MAD2L2: variants seen among roughly 807,000 people sequenced by gnomAD.
MAD2L2 encodes mitotic spindle assembly checkpoint protein MAD2B.
Under a neutral mutation model 30.5 loss-of-function variants are expected in MAD2L2, and 17 were observed. The observed-to-expected ratio is 0.56, with a 90% CI of 0.38 to 0.84. The LOEUF (loss-of-function observed/expected upper bound fraction) is 0.84. MAD2L2 is among the 40% of genes least tolerant of loss of function. The pLI is 0.00. For missense variants in MAD2L2, 213 were observed against 277.4 expected (o/e 0.77, Z 1.65); for synonymous variants, 101 against 113.9 (o/e 0.89, Z 0.72).
chr1:11,681,105 C>T lies in MAD2L2; in HGVS notation c.-79G>A, dbSNP rs750637351. ...CGCCGCGGGGAGCCACCGACCGGAC[C>T]GATCGCGCCTCCCGCTCAACCCGGG... On this transcript the variant is annotated 5_prime_UTR_variant, in exon 1 of 9. Transcript: ENST00000376692. 1.7e-4 allele frequency: 26 copies of T among 152,450 alleles called. No homozygotes were observed. Among genetic ancestry groups the T allele is most frequent in the Non-Finnish European group, 3.4e-4 (23 of 68,158 alleles). 9.4% of individuals were successfully genotyped at this position (152,450 alleles called of 1,614,324 possible).
intron 4 of MAD2L2, 177 bp downstream of exon 4, chr1:11,677,366 G>A (rs1166386674): frequency 4.6e-6 from 3 of 659,136 alleles, no homozygotes; most frequent in African/African-American, 3.6e-5. Context: ...CGCATGCCTT[G>A]GGGCCTGCCC....
In MAD2L2 at chr1:11,676,044, A is replaced by G. The variant is rs771958137; in HGVS notation, c.427+2T>C. ...GGAAGAGAGGGTGGGGAGTGGACAC[A>G]CCTGGGGGGTTGTGGTCCAGGACGG... On this transcript the variant is annotated splice_donor_variant, in intron 6 of 8. Coordinates refer to ENST00000376692, the MANE Select transcript of MAD2L2 (RefSeq NM_006341.4). LOFTEE classifies it high-confidence loss of function. The G allele has an allele frequency of 6.2e-7, 1 of 1,612,504 alleles. No homozygotes were observed. Among genetic ancestry groups the G allele is most frequent in the Non-Finnish European group, 8.5e-7 (1 of 1,178,904 alleles).
At chr1:11,677,653 C>G (rs1030377862) in intron 3 of MAD2L2, 39 bp from the exon 4 acceptor site, 2 of 1,568,624 alleles carry the variant, frequency 1.3e-6, no homozygotes, top group Admixed American at 1.7e-5. Context: ...GCCCAAAGCA[C>G]AGATGGGGAA....
At chr1:11,689,742 T>C (rs1369050968) in intron 1 of MAD2L2, among the ~76,000 whole-genome samples, 1 of 152,222 alleles carries the variant, frequency 6.6e-6, no homozygotes, top group Admixed American at 6.5e-5. Flanking sequence ...TTTATTCCTC[T>C]ACTGTCTTAA....
At chr1:11,680,495 G>A (rs781459076) in intron 2 of MAD2L2, 24 bp from the exon 3 acceptor site, 62 of 1,611,868 alleles carry the variant, frequency 3.8e-5, no homozygotes, top group African/African-American at 6.7e-5. Flanking sequence ...CAAGCCGGTG[G>A]CGCGCTCGAG....
chr1:11,680,943 T>A (rs893725107), intron 1 of MAD2L2, 96 bp downstream of exon 1: 4 of 301,306 alleles, frequency 1.3e-5, no homozygotes, highest in Non-Finnish European at 2.2e-5. Flanking sequence ...AAGCGGGACA[T>A]GCGGAAAGCG....
upstream of MAD2L2, among the ~76,000 whole-genome samples, chr1:11,682,246 C>T (rs28924092): frequency 0.011 from 1,682 of 152,214 alleles, 13 homozygotes; most frequent in Middle Eastern, 0.031. Flanking sequence ...TATTTACAGC[C>T]CCCTTATTTT....
chr1:11,680,224 G>A (rs1203875915), intron 3 of MAD2L2, 129 bp downstream of exon 3: 2 of 691,226 alleles, frequency 2.9e-6, no homozygotes, highest in African/African-American at 3.6e-5. Flanking sequence ...TCGAACTCCT[G>A]ACCTCAGGTG....
chr1:11,679,770 G>A (rs959531593), intron 3 of MAD2L2, among the ~76,000 whole-genome samples: 4 of 151,664 alleles, frequency 2.6e-5, no homozygotes, highest in Non-Finnish European at 4.4e-5. Flanking sequence ...CTTGTGATTC[G>A]CCCGCCTCAG....
At chr1:11,683,913 G>A (rs1640915677), upstream of MAD2L2, among the ~76,000 whole-genome samples, 1 of 152,200 alleles carries the variant, frequency 6.6e-6, no homozygotes, top group African/African-American at 2.4e-5. Context: ...GGAGGTTGTG[G>A]TGAGCCAAGA....
intron 1 of MAD2L2, among the ~76,000 whole-genome samples, chr1:11,689,955 G>A (rs1448106208): frequency 6.6e-6 from 1 of 151,862 alleles, no homozygotes; most frequent in African/African-American, 2.4e-5. Context: ...GACCTTTGCA[G>A]TGGCTCTTCT....
At chr1:11,676,700 C>T (rs1351119891) in intron 5 of MAD2L2, 148 bp downstream of exon 5, 2 of 686,432 alleles carry the variant, frequency 2.9e-6, no homozygotes, top group Non-Finnish European at 2.6e-6. Context: ...CAGCTGCTCA[C>T]AGGCTGTCCC....
intron 3 of MAD2L2, among the ~76,000 whole-genome samples, chr1:11,677,980 C>T (rs529321380): frequency 2.0e-5 from 3 of 150,862 alleles, no homozygotes; most frequent in African/African-American, 7.3e-5. Context: ...TCGCTTGAAC[C>T]CGGGAGGCGG....
At chr1:11,683,446 C>T (rs745408585), upstream of MAD2L2, among the ~76,000 whole-genome samples, 2 of 151,612 alleles carry the variant, frequency 1.3e-5, no homozygotes, top group Non-Finnish European at 2.9e-5. Context: ...TATGTTCTCA[C>T]TTGTAAGTGG....
chr1:11,676,251 T>A, intron 5 of MAD2L2, 111 bp from the exon 6 acceptor site: 1 of 658,672 alleles, frequency 1.5e-6, no homozygotes, highest in Non-Finnish European at 2.6e-6. Context: ...CCTGTGAGAG[T>A]GCTGCATGCC....
At chr1:11,681,191 C>G (rs1640873177), upstream of MAD2L2, 1 of 152,250 alleles carries the variant, frequency 6.6e-6, no homozygotes, top group East Asian at 1.9e-4. Context: ...CCGCCCCGCC[C>G]AGGCCACGCC....
At chr1:11,686,678 C>T (rs897702385) in intron 1 of MAD2L2, among the ~76,000 whole-genome samples, 12 of 152,140 alleles carry the variant, frequency 7.9e-5, no homozygotes, top group Non-Finnish European at 1.5e-5. Context: ...GTTGGGATTA[C>T]AGGCTTGAGC....
At chr1:11,677,152 G>A in intron 4 of MAD2L2, 1 of 621,422 alleles carries the variant, frequency 1.6e-6, no homozygotes, top group Non-Finnish European at 2.8e-6. Flanking sequence ...CTGAGAGAAT[G>A]CCCGGGCCCC....
rs1007178895 is a variant in MAD2L2 at position 11,688,276 on chromosome 1, G to A, written c.-692+3137C>T. On this transcript the variant is annotated intron_variant, in intron 1 of 10. Transcript: ENST00000235310. This position sits in a 1 kb window ranked among gnomAD's most constrained non-coding sequence, Gnocchi z 4.6. The stretch of plus-strand genomic sequence containing the variant: ...CTCCCAACCTTAGGAATCAGCACAC[G>A]TGGCCGGGCACGGTGGCTCATGCCT... Among the ~76,000 whole-genome samples the A allele has an allele frequency of 2.0e-5, 3 of 152,060 alleles. No individual in the cohort carries two copies. Among genetic ancestry groups the A allele is most frequent in the African/African-American group, 4.8e-5 (2 of 41,418 alleles).
Sources: gnomAD v4.1 joint callset for allele counts (sites outside exome capture counted in the v4.1 genomes callset) on GRCh38, gnomAD v4.1.1 for gene constraint, Gnocchi (gnomAD v3.1) non-coding constraint, MANE v1.5 for transcripts, NCBI Gene and HGNC (gene_info 2026-07-23, HGNC 2026-07-21) for gene names.